TBCD: variants seen among roughly 807,000 people sequenced by gnomAD.
TBCD encodes tubulin-specific chaperone D.
A neutral mutation model predicts 169.3 loss-of-function variants in TBCD; 105 were observed. That is an observed-to-expected ratio of 0.62 (90% CI 0.53 to 0.73). TBCD has a LOEUF of 0.73. Ranked by LOEUF, TBCD falls within the 30% of genes least tolerant of loss-of-function variation. TBCD has a pLI of 0.00. For synonymous variants in TBCD, 700 were observed against 643.9 expected, an observed-to-expected ratio of 1.09 and a Z score of -1.32; for missense variants, 1,444 against 1,600.1, an observed-to-expected ratio of 0.90 and a Z score of 1.66.
At chr17:82,804,051 C>T (rs1291840657) in intron 9 of TBCD, among the ~76,000 whole-genome samples, 3 of 26,358 alleles carry the variant, frequency 1.1e-4, no homozygotes, top group East Asian at 1.1e-3. Flanking sequence ...GAGTGGGGGC[C>T]GGGGTGCACC....
At chr17:82,756,317 G>A (rs1402792718) in intron 2 of TBCD, 102 bp downstream of exon 2, 3 of 1,203,986 alleles carry the variant, frequency 2.5e-6, no homozygotes, top group Admixed American at 4.0e-5. Context: ...AGGATCAAAT[G>A]CCAAGAAGTG....
At chr17:82,871,083 G>A (rs755302556) in intron 14 of TBCD, among the ~76,000 whole-genome samples, 2 of 152,224 alleles carry the variant, frequency 1.3e-5, no homozygotes, top group Admixed American at 6.5e-5. Flanking sequence ...CAGGTTTCAT[G>A]GGATCACCAG....
At chr17:82,781,775 G>A (rs2048963535) in intron 7 of TBCD, 54 bp downstream of exon 7, 3 of 1,593,124 alleles carry the variant, frequency 1.9e-6, no homozygotes, top group Non-Finnish European at 2.6e-6. Context: ...CGCCTTACAT[G>A]GGGACCACGG....
intron 14 of TBCD, among the ~76,000 whole-genome samples, chr17:82,876,393 C>T (rs1418564031): frequency 6.6e-6 from 1 of 152,194 alleles, no homozygotes; most frequent in Non-Finnish European, 1.5e-5. Context: ...TCCAGGTTCC[C>T]GGGGATGGTA....
At chr17:82,857,152 A>G (rs1214959395) in intron 13 of TBCD, among the ~76,000 whole-genome samples, 2 of 152,334 alleles carry the variant, frequency 1.3e-5, no homozygotes, top group African/African-American at 4.8e-5. Flanking sequence ...AATTATAATC[A>G]GCCTCGTAGG....
Position 82,789,957 on chromosome 17 carries a change from G to T in TBCD, c.772-7800G>T, listed in dbSNP as rs1044699932. Among the ~76,000 whole-genome samples, 1 of 152,178 alleles carries T rather than the reference G, an allele frequency of 6.6e-6. No individual in the cohort carries two copies. Among genetic ancestry groups the T allele is most frequent in the Non-Finnish European group, 1.5e-5 (1 of 68,026 alleles). On this transcript the variant is annotated intron_variant, in intron 7 of 38. Transcript: ENST00000355528. The surrounding 1 kb of genome is among the most constrained non-coding windows in gnomAD (Gnocchi z 4.8). ...CAGGAGCCGGGCTCATCCCCGAGAC[G>T]CCGTGTTCCCTCCCGCTGTCCGCTC...
At chr17:82,900,977 G>C (rs1163270242) in intron 18 of TBCD, among the ~76,000 whole-genome samples, 3 of 152,218 alleles carry the variant, frequency 2.0e-5, no homozygotes, top group Non-Finnish European at 4.4e-5. Flanking sequence ...AAATGTCCAC[G>C]CTGGCGTGTT....
In TBCD at chr17:82,884,242, G is replaced by A. The variant is rs919293235; in HGVS notation, c.1533+40G>A. ...TTTGATATTTCCTTTCCTGAAGGTG[G>A]GGGGTGGGCCTGGTCTCCCTGATGC... On this transcript the variant is annotated intron_variant, in intron 15 of 38. Coordinates refer to ENST00000355528, the MANE Select transcript of TBCD (RefSeq NM_005993.5). The surrounding 1 kb of genome is among the most constrained non-coding windows in gnomAD (Gnocchi z 4.2). 6 of 1,556,466 alleles carry A rather than the reference G, an allele frequency of 3.9e-6. No homozygotes were observed. In the African/African-American group the frequency reaches 4.1e-5, roughly 11 times the overall value.
At chr17:82,910,638 C>T (rs942474080) in intron 22 of TBCD, among the ~76,000 whole-genome samples, 1 of 152,004 alleles carries the variant, frequency 6.6e-6, no homozygotes, top group African/African-American at 2.4e-5. Context: ...AGCATGTCGG[C>T]TCACTGCAAG....
At chr17:82,797,547 C>T (rs999227395) in intron 7 of TBCD, among the ~76,000 whole-genome samples, 9 of 152,072 alleles carry the variant, frequency 5.9e-5, no homozygotes, top group African/African-American at 2.2e-4. Flanking sequence ...ATCATTGCAT[C>T]CCTATTTTCA....
Position 82,920,414 on chromosome 17 carries a change from C to T in TBCD, c.2039-142C>T. 1.4e-6 allele frequency: 1 copy of T among 703,438 alleles called. No individual in the cohort carries two copies. The highest frequency in any genetic ancestry group is 2.4e-6 in the Non-Finnish European group (1 of 413,486). The allele number at this position is 703,438 out of a possible 1,614,324, so 43.6% of individuals were successfully genotyped here. ...TTCTGAAATGGTTCTGGGATGTTTC[C>T]AGCCCTGGCAGCAGGGTAGGTTGGG... is the stretch of plus-strand genomic sequence containing the variant. On this transcript the variant is annotated intron_variant, in intron 23 of 38. Transcript: ENST00000355528. This position sits in a 1 kb window ranked among gnomAD's most constrained non-coding sequence, Gnocchi z 4.1.
chr17:82,888,044 C>T (rs1006148892), intron 15 of TBCD, among the ~76,000 whole-genome samples: 1 of 152,212 alleles, frequency 6.6e-6, no homozygotes, highest in African/African-American at 2.4e-5. Flanking sequence ...ATCTTTCCGT[C>T]CTCTTCATAG....
At chr17:82,865,163 G>C (rs1422155674) in intron 13 of TBCD, among the ~76,000 whole-genome samples, 1 of 143,374 alleles carries the variant, frequency 7.0e-6, no homozygotes, top group African/African-American at 2.5e-5. Context: ...ATTCAACACT[G>C]GCGTTTTTTT....
At chr17:82,925,927 C>T (rs1453642625) in intron 27 of TBCD, among the ~76,000 whole-genome samples, 1 of 149,214 alleles carries the variant, frequency 6.7e-6, no homozygotes, top group Non-Finnish European at 1.5e-5. Context: ...CTGGAGGTGA[C>T]CTCTCCCCGG....
intron 4 of TBCD, among the ~76,000 whole-genome samples, chr17:82,767,032 G>A (rs753833480): frequency 1.4e-4 from 22 of 152,226 alleles, no homozygotes; most frequent in Non-Finnish European, 1.9e-4. Context: ...AGGTGCCAGC[G>A]TAAAGCACAC....
intron 2 of TBCD, among the ~76,000 whole-genome samples, chr17:82,758,661 CTTTTTTTTTTTTT>C (rs745351441): frequency 1.1e-5 from 1 of 94,594 alleles, no homozygotes; most frequent in Non-Finnish European, 2.1e-5. Context: ...TTTTTTTTTT[CTTTTTTTTTTTTT>C]TTTTTGAGAT....
At chr17:82,894,619 T>G (rs1387855833) in intron 17 of TBCD, among the ~76,000 whole-genome samples, 1 of 152,146 alleles carries the variant, frequency 6.6e-6, no homozygotes, top group African/African-American at 2.4e-5. Flanking sequence ...CCCTTTCAGG[T>G]TTCCTCAACA....
At chr17:82,817,678 C>G (rs2144993892) in intron 13 of TBCD, among the ~76,000 whole-genome samples, 1 of 152,260 alleles carries the variant, frequency 6.6e-6, no homozygotes, top group East Asian at 1.9e-4. Flanking sequence ...AACTTCTGGC[C>G]TCCAGTGATC....
At chr17:82,799,739 G>A (rs2050368622) in intron 8 of TBCD, among the ~76,000 whole-genome samples, 2 of 152,200 alleles carry the variant, frequency 1.3e-5, no homozygotes, top group Admixed American at 6.5e-5. Context: ...CCGTTGCCAG[G>A]CCCTGTCGGC....
Sources: allele counts gnomAD v4.1 joint callset (sites outside exome capture counted in the v4.1 genomes callset), GRCh38; gene constraint gnomAD v4.1.1; non-coding constraint Gnocchi (gnomAD v3.1); transcripts MANE v1.5; gene names NCBI Gene and HGNC (gene_info 2026-07-23, HGNC 2026-07-21).